The following ARL15 variants were observed in gnomAD, a reference collection of about 807,000 sequenced individuals.
The protein encoded by ARL15 is ADP-ribosylation factor-like protein 15.
In ARL15, 19 loss-of-function variants were observed where a neutral mutation model predicts 25.2. The ratio of observed to expected loss-of-function variants is 0.75; its 90% CI spans 0.53 to 1.10. ARL15 has a LOEUF of 1.10. ARL15 is among the 50% of genes least tolerant of loss of function. The pLI is 0.00. For missense variants in ARL15, 220 were observed against 246.0 expected (o/e 0.89, Z 0.71); for synonymous variants, 94 against 86.8 (o/e 1.08, Z -0.46).
chr5:54,215,588 G>A (rs902654842), intron 1 of ARL15, among the ~76,000 whole-genome samples: 1 of 133,578 alleles, frequency 7.5e-6, no homozygotes, highest in South Asian at 2.7e-4. Flanking sequence ...AGAAACCCCA[G>A]ACTTAGTGCG....
At chr5:54,072,918 T>C (rs375037004) in intron 4 of ARL15, among the ~76,000 whole-genome samples, 2 of 152,184 alleles carry the variant, frequency 1.3e-5, no homozygotes, top group Admixed American at 1.3e-4. Flanking sequence ...GATGGTATCC[T>C]AGATTTTCCC....
chr5:54,296,642 G>A (rs1157386241), intron 1 of ARL15, among the ~76,000 whole-genome samples: 1 of 152,228 alleles, frequency 6.6e-6, no homozygotes, highest in Non-Finnish European at 1.5e-5. Context: ...CCCGAGGCTG[G>A]GTTATGGCTA....
chr5:54,294,522 A>T (rs954054074), intron 1 of ARL15, among the ~76,000 whole-genome samples: 2 of 152,154 alleles, frequency 1.3e-5, no homozygotes, highest in Non-Finnish European at 2.9e-5. Context: ...GAAAGAAGGG[A>T]AGGTAGGGCT....
chr5:53,966,732 G>A (rs2112168153), intron 4 of ARL15, among the ~76,000 whole-genome samples: 1 of 152,346 alleles, frequency 6.6e-6, no homozygotes, highest in South Asian at 2.1e-4. Context: ...GGTGGTGTAA[G>A]AGAAGAGAGA....
intron 1 of ARL15, among the ~76,000 whole-genome samples, chr5:54,307,531 C>T (rs1278130671): frequency 6.6e-6 from 1 of 152,158 alleles, no homozygotes; most frequent in Non-Finnish European, 1.5e-5. Flanking sequence ...AAAGTACTAT[C>T]CCTGTCCCTC....
At chr5:54,005,316 T>C (rs948533642) in intron 4 of ARL15, among the ~76,000 whole-genome samples, 1 of 152,182 alleles carries the variant, frequency 6.6e-6, no homozygotes, top group African/African-American at 2.4e-5. Context: ...CTTCTTTAGT[T>C]CCCAAAGACC....
chr5:53,975,703 T>G (rs1388029737), intron 4 of ARL15, among the ~76,000 whole-genome samples: 1 of 152,192 alleles, frequency 6.6e-6, no homozygotes, highest in African/African-American at 2.4e-5. Flanking sequence ...GAAAAAAGTG[T>G]CATATGATTC....
chr5:54,252,841 A>G (rs1757270806), intron 1 of ARL15, among the ~76,000 whole-genome samples: 1 of 152,072 alleles, frequency 6.6e-6, no homozygotes, highest in South Asian at 2.1e-4. Context: ...CTTTCACCTC[A>G]GCCTTCCGAG....
chr5:53,938,752 G>A (rs1746435017), intron 4 of ARL15, among the ~76,000 whole-genome samples: 1 of 152,206 alleles, frequency 6.6e-6, no homozygotes, highest in South Asian at 2.1e-4. Flanking sequence ...GCTGAGGTAG[G>A]AGAATCGCTT....
Position 53,999,711 on chromosome 5 carries a change from G to A in ARL15, c.463-112998C>T, listed in dbSNP as rs140481295. On this transcript the variant is annotated intron_variant, in intron 4 of 4. Transcript: ENST00000504924. ...GCGGATCACCTGAAGTTGGGAGTTC[G>A]AGACCAGCCCGACCAACATGGAGAA... Among the ~76,000 whole-genome samples the A allele has an allele frequency of 5.6e-3, 848 of 152,186 alleles. 5 individuals carry two copies. Among genetic ancestry groups the A allele is most frequent in the Non-Finnish European group, 0.01 (695 of 68,010 alleles).
chr5:53,988,030 G>C (rs1239048421), intron 4 of ARL15, among the ~76,000 whole-genome samples: 1 of 152,042 alleles, frequency 6.6e-6, no homozygotes, highest in Non-Finnish European at 1.5e-5. Flanking sequence ...ATGAACCCGG[G>C]AGGCGGAGCT....
chr5:54,027,641 A>G (rs999049507), intron 4 of ARL15, among the ~76,000 whole-genome samples: 8 of 152,084 alleles, frequency 5.3e-5, no homozygotes, highest in African/African-American at 1.9e-4. Context: ...TTTCATTTTT[A>G]CTTTTGCCAT....
chr5:54,130,923 A>G (rs769193316), intron 3 of ARL15, among the ~76,000 whole-genome samples: 37 of 152,146 alleles, frequency 2.4e-4, no homozygotes, highest in East Asian at 1.9e-4. Flanking sequence ...TGGAGGGGAG[A>G]AAATGGGCAG....
chr5:53,973,621 A>T (rs1747824568), intron 4 of ARL15, among the ~76,000 whole-genome samples: 1 of 150,748 alleles, frequency 6.6e-6, no homozygotes, highest in African/African-American at 2.4e-5. Flanking sequence ...CCATGTACCT[A>T]TAGTCTTTGC....
chr5:54,071,518 C>G lies in ARL15; in HGVS notation c.462+41684G>C, dbSNP rs75420035. Among the ~76,000 whole-genome samples the G allele has an allele frequency of 3.1e-4, 42 of 134,642 alleles. 3 individuals carry two copies. The highest frequency in any genetic ancestry group is 8.2e-4 in the Admixed American group (11 of 13,398). The allele number at this position is 134,642 out of a possible 152,430, so 88.3% of individuals were successfully genotyped here. ...CTCTCTTCCACCGCCTTTCCCCCCC[C>G]CCCCCCCGCAAAGCCAGACCCAACC... On this transcript the variant is annotated intron_variant, in intron 4 of 4. Transcript: ENST00000504924.
At chr5:54,284,773 C>T (rs2112675910) in intron 1 of ARL15, among the ~76,000 whole-genome samples, 1 of 152,254 alleles carries the variant, frequency 6.6e-6, no homozygotes, top group South Asian at 2.1e-4. Flanking sequence ...CTGCCTTATC[C>T]TTGAACATCC....
At chr5:54,217,200 CT>C (rs59849804) in intron 1 of ARL15, among the ~76,000 whole-genome samples, 116,115 of 145,208 alleles carry the variant, frequency 0.8, 47,147 homozygotes, top group Middle Eastern at 0.9. Context: ...CAATGCTTTT[CT>C]TTTTTTTTTT....
At chr5:54,259,627 A>C (rs1051002093) in intron 1 of ARL15, among the ~76,000 whole-genome samples, 6 of 152,210 alleles carry the variant, frequency 3.9e-5, no homozygotes, top group African/African-American at 1.4e-4. Context: ...CCAAAAATCA[A>C]CAATATCTAT....
intron 1 of ARL15, among the ~76,000 whole-genome samples, chr5:54,296,363 A>C: frequency 6.6e-6 from 1 of 152,218 alleles, no homozygotes; most frequent in East Asian, 1.9e-4. Flanking sequence ...CGAGGTAGGT[A>C]TTTAATACTA....
Sources: gnomAD v4.1 joint callset for allele counts (sites outside exome capture counted in the v4.1 genomes callset) on GRCh38, gnomAD v4.1.1 for gene constraint, MANE v1.5 for transcripts, NCBI Gene and HGNC (gene_info 2026-07-23, HGNC 2026-07-21) for gene names.